Variants in AGO1 observed in about 807,000 individuals in gnomAD.
AGO1 encodes protein argonaute-1.
Under a neutral mutation model 109.2 loss-of-function variants are expected in AGO1, and 11 were observed. That is an observed-to-expected ratio of 0.10 (90% confidence interval 0.06 to 0.17). The LOEUF (loss-of-function observed/expected upper bound fraction) is 0.17, where lower values mean the gene tolerates loss of function less well. Among genes scored for constraint, AGO1 ranks in the 10% least tolerant of loss-of-function variants. The probability of loss-of-function intolerance (pLI) is 1.00; values close to 1 mark genes in which losing one functional copy is unlikely to be tolerated. For missense variants in AGO1, 574 were observed against 1,140.3 expected, an observed-to-expected ratio of 0.50 and a Z score of 7.15; for synonymous variants, 422 against 418.6, an observed-to-expected ratio of 1.01 and a Z score of -0.10.
Position 35,928,833 on chromosome 1 carries a change from A to G in AGO1, c.*9226A>G, listed in dbSNP as rs552211427. On this transcript the variant is annotated 3_prime_UTR_variant, in exon 19 of 19. Coordinates refer to ENST00000373204, the MANE Select transcript of AGO1 (RefSeq NM_012199.5). Reference sequence around the variant, plus strand: ...TAGGAAATTTTGCACTGGGTATTTGATGGCTCCTGAGGAGGTTCAACTTTC... The same window carrying G: ...TAGGAAATTTTGCACTGGGTATTTGGTGGCTCCTGAGGAGGTTCAACTTTC... 1 of 152,300 alleles carries G rather than the reference A, an allele frequency of 6.6e-6. No individual in the cohort carries two copies. The highest frequency in any genetic ancestry group is 1.9e-4 in the East Asian group (1 of 5,188). 9.4% of individuals were successfully genotyped at this position (152,300 alleles called of 1,614,324 possible).
Position 35,902,085 on chromosome 1 carries a change from G to A in AGO1, c.1263+15G>A, listed in dbSNP as rs1256118319. ...ACGGCGGCCGGGTGAGCAGGGTCAG[G>A]GCCAGACAACATCTCGGGGCATATG... On this transcript the variant is annotated intron_variant, in intron 10 of 18. Coordinates refer to ENST00000373204, the MANE Select transcript of AGO1 (RefSeq NM_012199.5). 1 of 1,594,574 alleles carries A rather than the reference G, an allele frequency of 6.3e-7. No individual in the cohort carries two copies. The highest frequency in any genetic ancestry group is 8.6e-7 in the Non-Finnish European group (1 of 1,169,586).
Position 35,883,905 on chromosome 1 carries a change from C to T in AGO1, c.25+459C>T, listed in dbSNP as rs1645074076. 6.6e-6 allele frequency among the ~76,000 whole-genome samples: 1 copy of T among 152,208 alleles called. No homozygotes were observed. The highest frequency in any genetic ancestry group is 1.5e-5 in the Non-Finnish European group (1 of 68,032). On this transcript the variant is annotated intron_variant, in intron 1 of 18. Coordinates refer to ENST00000373204, the MANE Select transcript of AGO1 (RefSeq NM_012199.5). This position sits in a 1 kb window ranked among gnomAD's most constrained non-coding sequence, Gnocchi z 5.4. ...CGCCAGAGCTGGACTGTGAGCTCCGCCCCACTGGGCCTGACGCGAGGGCGA... is the reference window on the plus strand; with the variant it reads ...CGCCAGAGCTGGACTGTGAGCTCCGTCCCACTGGGCCTGACGCGAGGGCGA...
At chr1:35,905,075 C>T (rs1263889565) in intron 11 of AGO1, among the ~76,000 whole-genome samples, 1 of 152,226 alleles carries the variant, frequency 6.6e-6, no homozygotes, top group African/African-American at 2.4e-5. Flanking sequence ...TCATCTTAAA[C>T]ATCTCACAAT....
intron 1 of AGO1, among the ~76,000 whole-genome samples, chr1:35,886,645 G>GA (rs1157527890): frequency 6.6e-6 from 1 of 152,152 alleles, no homozygotes; most frequent in Non-Finnish European, 1.5e-5. Context: ...CTTGGGGAGG[G>GA]AAAGGATGTC....
At chr1:35,918,000 CT>C (rs1480939991) in intron 16 of AGO1, among the ~76,000 whole-genome samples, 7 of 152,246 alleles carry the variant, frequency 4.6e-5, no homozygotes, top group Non-Finnish European at 1.0e-4. Flanking sequence ...GGGAAGGGAA[CT>C]ACCATTTATT....
chr1:35,891,470 T>G (rs964090532), intron 2 of AGO1, among the ~76,000 whole-genome samples: 2 of 152,252 alleles, frequency 1.3e-5, no homozygotes, highest in African/African-American at 4.8e-5. Context: ...CCTTTTTTGC[T>G]TATCAGATCT....
chr1:35,893,538 A>T lies in AGO1; in HGVS notation c.513-136A>T. The T allele has an allele frequency of 1.0e-6, 1 of 977,040 alleles. No homozygotes were observed. 60.5% of individuals were successfully genotyped at this position (977,040 alleles called of 1,614,324 possible). A position where few individuals can be genotyped will look rare whatever the true frequency, so the allele number is the denominator to read the frequency against. On this transcript the variant is annotated intron_variant, in intron 4 of 18. Coordinates refer to ENST00000373204, the MANE Select transcript of AGO1 (RefSeq NM_012199.5). The surrounding 1 kb of genome is among the most constrained non-coding windows in gnomAD (Gnocchi z 5.6). The stretch of plus-strand genomic sequence containing the variant: ...TAGAAACTTGTACAAGGTCAGTCAT[A>T]CAACTAGTAAAGCATCAGAGCTGGC...
chr1:35,906,833 C>A, intron 11 of AGO1, 102 bp from the exon 12 acceptor site: 15 of 846,286 alleles, frequency 1.8e-5, no homozygotes, highest in East Asian at 2.8e-5. Flanking sequence ...AAACCAATCT[C>A]TCAGTGCCTC....
chr1:35,902,629 G>T (rs1036409991), intron 11 of AGO1, among the ~76,000 whole-genome samples: 2 of 152,198 alleles, frequency 1.3e-5, no homozygotes, highest in Non-Finnish European at 2.9e-5. Flanking sequence ...TAGTAGTAGT[G>T]ATGACTGTAA....
At position 35,910,442 on chromosome 1, in the gene AGO1, A is replaced by T. The variant is rs143597659; in HGVS notation, c.1582+3323A>T. On this transcript the variant is annotated intron_variant, in intron 12 of 18. Transcript: ENST00000373204. ...TAAATTGTATATATAGAAATCTTAC[A>T]TGTTTAGCTCAGTGATATTTCATAA... is the stretch of plus-strand genomic sequence containing the variant. 9.2e-5 allele frequency among the ~76,000 whole-genome samples: 14 copies of T among 152,124 alleles called. No individual in the cohort carries two copies. In the East Asian group the frequency reaches 2.5e-3, roughly 27 times the overall value.
chr1:35,890,973 G>GTT (rs1410503326), intron 2 of AGO1, among the ~76,000 whole-genome samples: 1 of 152,192 alleles, frequency 6.6e-6, no homozygotes, highest in African/African-American at 2.4e-5. Context: ...ATATAAATAT[G>GTT]TTTGTGTATA....
chr1:35,913,728 T>G, intron 12 of AGO1, 114 bp from the exon 13 acceptor site: 1 of 1,089,548 alleles, frequency 9.2e-7, no homozygotes, highest in Non-Finnish European at 1.3e-6. Flanking sequence ...GTAAGGACCT[T>G]ATGTGTTTCC....
In AGO1 at chr1:35,927,429, C is replaced by T. The variant is rs934140536; in HGVS notation, c.*7822C>T. The T allele has an allele frequency of 1.3e-5, 2 of 152,090 alleles. No homozygotes were observed. The highest frequency in any genetic ancestry group is 2.4e-5 in the African/African-American group (1 of 41,406). 9.4% of individuals were successfully genotyped at this position (152,090 alleles called of 1,614,324 possible). On this transcript the variant is annotated 3_prime_UTR_variant, in exon 19 of 19. Coordinates refer to ENST00000373204, the MANE Select transcript of AGO1 (RefSeq NM_012199.5). ...CTCCATGTTTATCCTCACGCCAGTT[C>T]GCCTCATGGTCCCAATATGGCTACT...
At chr1:35,899,723 A>G (rs1557610893) in intron 8 of AGO1, among the ~76,000 whole-genome samples, 1 of 152,218 alleles carries the variant, frequency 6.6e-6, no homozygotes, top group Non-Finnish European at 1.5e-5. Flanking sequence ...CCCATTGTTT[A>G]CCATGAACTC....
intron 12 of AGO1, among the ~76,000 whole-genome samples, chr1:35,907,501 C>T (rs530813592): frequency 2.6e-5 from 4 of 152,156 alleles, no homozygotes; most frequent in African/African-American, 7.2e-5. Flanking sequence ...CTGTTAGTAT[C>T]GTGTTGCCTG....
At position 35,920,317 on chromosome 1, in the gene AGO1, C is replaced by T. The variant is rs1378011808; in HGVS notation, c.*710C>T. The T allele has an allele frequency of 6.6e-6, 1 of 152,590 alleles. No homozygotes were observed. The highest frequency in any genetic ancestry group is 1.5e-5 in the Non-Finnish European group (1 of 68,076). 9.5% of individuals were successfully genotyped at this position (152,590 alleles called of 1,614,324 possible). A position where few individuals can be genotyped will look rare whatever the true frequency, so the allele number is the denominator to read the frequency against. On this transcript the variant is annotated 3_prime_UTR_variant, in exon 19 of 19. Coordinates refer to ENST00000373204, the MANE Select transcript of AGO1 (RefSeq NM_012199.5). ...CCAGCCCCTAGTAATACTTAAGGCA[C>T]TATGGCACTTAGCTTTGAAGTGACA... is the stretch of plus-strand genomic sequence containing the variant.
At chr1:35,904,732 A>G (rs1284883576) in intron 11 of AGO1, among the ~76,000 whole-genome samples, 1 of 152,212 alleles carries the variant, frequency 6.6e-6, no homozygotes, top group Admixed American at 6.5e-5. Flanking sequence ...CTAAAGGTAA[A>G]TATTTCCAAG....
At position 35,919,386 on chromosome 1, in the gene AGO1, G is replaced by C. The variant is rs1645792397; in HGVS notation, c.2466-113G>C. ...ATTGGGCTCGTCTGCCCAATCCTGG[G>C]TTGGGTTTCTCTCTTAAGTTGGTAT... On this transcript the variant is annotated intron_variant, in intron 18 of 18. Transcript: ENST00000373204. The surrounding 1 kb of genome is among the most constrained non-coding windows in gnomAD (Gnocchi z 6.6). 3 of 1,455,594 alleles carry C rather than the reference G, an allele frequency of 2.1e-6. No homozygotes were observed. The highest frequency in any genetic ancestry group is 2.8e-6 in the Non-Finnish European group (3 of 1,067,478). 90.2% of individuals were successfully genotyped at this position (1,455,594 alleles called of 1,614,324 possible).
chr1:35,871,913 CA>C (rs1214880836), intron 1 of AGO1, among the ~76,000 whole-genome samples: 1 of 150,400 alleles, frequency 6.6e-6, no homozygotes, highest in Non-Finnish European at 1.5e-5. Context: ...ACTAAAAATA[CA>C]AAAAAATTAG....
Sources: allele counts gnomAD v4.1 joint callset (sites outside exome capture counted in the v4.1 genomes callset), GRCh38; gene constraint gnomAD v4.1.1; non-coding constraint Gnocchi (gnomAD v3.1); transcripts MANE v1.5; gene names NCBI Gene and HGNC (gene_info 2026-07-23, HGNC 2026-07-21).